PCDHB11: variants seen among roughly 807,000 people sequenced by gnomAD.
PCDHB11 encodes protocadherin beta-11.
For missense variants in PCDHB11, 1,151 were observed against 1,003.4 expected (o/e 1.15, Z -1.99); for synonymous variants, 522 against 442.0 (o/e 1.18, Z -2.27).
Position 141,201,440 on chromosome 5 carries a change from G to T in PCDHB11, c.1666G>T (p.Asp556Tyr), listed in dbSNP as rs1274181578. ...LVRVLVLDAN[D>Y]NSPFVLYPLQ... is the part of the protein sequence containing the mutation. ...GCGCGTGCTGGTGCTGGACGCCAAC[G>T]ACAACTCGCCCTTCGTGCTGTACCC... Residue 556 changes from aspartate to tyrosine, a missense_variant, in exon 1 of 1, where the codon GAC (aspartate) becomes TAC (tyrosine). Transcript: ENST00000354757. 3 of 1,611,522 alleles carry T rather than the reference G, an allele frequency of 1.9e-6. No individual in the cohort carries two copies. Among genetic ancestry groups the T allele is most frequent in the Non-Finnish European group, 2.5e-6 (3 of 1,179,624 alleles).
chr5:141,201,317 G>T lies in PCDHB11; in HGVS notation c.1543G>T (p.Ala515Ser). The T allele has an allele frequency of 1.9e-6, 3 of 1,613,552 alleles. No homozygotes were observed. Among genetic ancestry groups the T allele is most frequent in the African/African-American group, 1.3e-5 (1 of 75,040 alleles). ...CAACACAGACAACGGCCACCTGTTC[G>T]CCCTCAGGTCGCTGGACTACGAGGC... The part of the protein sequence containing the change: ...SINTDNGHLF[A>S]LRSLDYEALQ... Residue 515 changes from alanine (A) to serine (S), a missense_variant, in exon 1 of 1, where the codon GCC becomes TCC. By Grantham distance (99) the Ala-to-Ser change is moderately conservative. Transcript: ENST00000354757.
Position 141,201,041 on chromosome 5 carries a change from G to A in PCDHB11, c.1267G>A (p.Val423Ile), listed in dbSNP as rs1317164578. 4 of 1,614,166 alleles carry A rather than the reference G, an allele frequency of 2.5e-6. No homozygotes were observed. Among genetic ancestry groups the A allele is most frequent in the Non-Finnish European group, 2.5e-6 (3 of 1,180,042 alleles). ...STAEYNITIT[V>I]TDLGIPRLKT... ...AGCCGAGTACAATATCACCATCACC[G>A]TCACCGACTTGGGGATACCCAGGCT... The change falls in exon 1 of 1, where the codon GTC becomes ATC. Residue 423 changes from valine to isoleucine, a missense_variant. Physicochemically the swap from Val to Ile is conservative, Grantham distance 29 (BLOSUM62 3). Transcript: ENST00000354757.
rs372137409 is a variant in PCDHB11, at chr5:141,202,611, T to A, written c.*443T>A. On this transcript the variant is annotated 3_prime_UTR_variant, in exon 1 of 1. Coordinates refer to ENST00000354757, the MANE Select transcript of PCDHB11 (RefSeq NM_018931.3). ...GTGAGCCACTGCGCCCGGCCTTTTT[T>A]TTTTCTTTTCTTTTCTTTTTTTTGA... is the stretch of plus-strand genomic sequence containing the variant. The A allele has an allele frequency of 6.6e-6, 1 of 152,092 alleles. No individual in the cohort carries two copies. Among genetic ancestry groups the A allele is most frequent in the Non-Finnish European group, 1.5e-5 (1 of 68,676 alleles). 9.4% of individuals were successfully genotyped at this position (152,092 alleles called of 1,614,324 possible).
chr5:141,201,216 G>A lies in PCDHB11; in HGVS notation c.1442G>A (p.Gly481Asp), dbSNP rs556564658. Residue 481 changes from glycine to aspartate, a missense_variant, in exon 1 of 1, where the codon GGC (glycine) becomes GAC (aspartate). Gly to Asp is a moderately conservative substitution (Grantham distance 94). Transcript: ENST00000354757. ...GTCAGCGCTACAGACAGAGACTCAG[G>A]CACCAACGCCCAGGTCAACTACTCG... The part of the protein sequence containing the change: ...GSVSATDRDS[G>D]TNAQVNYSLL... 3.8e-5 allele frequency: 61 copies of A among 1,613,124 alleles called. No homozygotes were observed. In the South Asian group the frequency reaches 6.4e-4, roughly 17 times the overall value.
In PCDHB11 at chr5:141,200,287, A is replaced by C; in HGVS notation, c.513A>C (p.Thr171=). 1 of 1,614,172 alleles carries C rather than the reference A, an allele frequency of 6.2e-7. No individual in the cohort carries two copies. The highest frequency in any genetic ancestry group is 8.5e-7 in the Non-Finnish European group (1 of 1,180,036). ...GAATCAATGCTGTAAAAAGCTACACAATAAGCCCCAACTCTCATTTTCACA... is the reference window on the plus strand; with the variant it reads ...GAATCAATGCTGTAAAAAGCTACACCATAAGCCCCAACTCTCATTTTCACA... ...DVGINAVKSY[T]ISPNSHFHIK... The change falls in exon 1 of 1, where the codon ACA becomes ACC. Residue 171 remains threonine (T), a synonymous_variant. Coordinates refer to ENST00000354757, the MANE Select transcript of PCDHB11 (RefSeq NM_018931.3).
At position 141,200,743 on chromosome 5, in the gene PCDHB11, T is replaced by C. The variant is rs1234738525; in HGVS notation, c.969T>C (p.Asp323=). The C allele has an allele frequency of 3.1e-6, 5 of 1,614,076 alleles. No individual in the cohort carries two copies. The East Asian group carries it at 8.9e-5, about 29-fold the overall frequency. ...ESYSIIIQAT[D]GGGLFGKSTV... ...ACTCAATAATCATTCAAGCCACAGATGGGGGAGGACTTTTTGGAAAATCTA... is the reference window on the plus strand; with the variant it reads ...ACTCAATAATCATTCAAGCCACAGACGGGGGAGGACTTTTTGGAAAATCTA... Residue 323 remains aspartate, a synonymous_variant, in exon 1 of 1, where the codon GAT becomes GAC. Coordinates refer to ENST00000354757, the MANE Select transcript of PCDHB11 (RefSeq NM_018931.3).
chr5:141,201,419 G>A lies in PCDHB11; in HGVS notation c.1645G>A (p.Val549Met), dbSNP rs782541755. 2 of 1,611,546 alleles carry A rather than the reference G, an allele frequency of 1.2e-6. No individual in the cohort carries two copies. Among genetic ancestry groups the A allele is most frequent in the Non-Finnish European group, 1.7e-6 (2 of 1,179,656 alleles). Residue 549 changes from valine to methionine, a missense_variant, in exon 1 of 1, where the codon GTG (valine) becomes ATG (methionine). Physicochemically the swap from Val to Met is conservative, Grantham distance 21. Coordinates refer to ENST00000354757, the MANE Select transcript of PCDHB11 (RefSeq NM_018931.3). The stretch of plus-strand genomic sequence containing the variant: ...TTTGAGCAGCGAGGCGCTGGTGCGC[G>A]TGCTGGTGCTGGACGCCAACGACAA... The part of the protein sequence containing the change: ...PALSSEALVR[V>M]LVLDANDNSP...
At position 141,200,200 on chromosome 5, in the gene PCDHB11, C is replaced by G. The variant is rs782360863; in HGVS notation, c.426C>G (p.Ile142Met). 6.2e-7 allele frequency: 1 copy of G among 1,614,132 alleles called. No homozygotes were observed. The highest frequency in any genetic ancestry group is 1.1e-5 in the South Asian group (1 of 91,084). Residue 142 changes from isoleucine to methionine, a missense_variant, in exon 1 of 1, where the codon ATC (isoleucine) becomes ATG (methionine). Ile to Met is a conservative substitution (Grantham distance 10). Coordinates refer to ENST00000354757, the MANE Select transcript of PCDHB11 (RefSeq NM_018931.3). ...IFSEKQMLLE[I>M]PENSPVGAVF... ...CGGAAAAACAAATGCTCCTAGAAAT[C>G]CCAGAGAACAGTCCCGTTGGTGCTG...
In PCDHB11 at chr5:141,200,499, T is replaced by G; in HGVS notation, c.725T>G (p.Phe242Cys). 6.2e-7 allele frequency: 1 copy of G among 1,614,130 alleles called. No homozygotes were observed. The highest frequency in any genetic ancestry group is 8.5e-7 in the Non-Finnish European group (1 of 1,180,022). ...GACATTAATGACAACTCCCCTGAATTTGAGCAGGCTTTTTATGAGGTGAAG... is the reference window on the plus strand; with the variant it reads ...GACATTAATGACAACTCCCCTGAATGTGAGCAGGCTTTTTATGAGGTGAAG... ...VVDINDNSPE[F>C]EQAFYEVKIR... Residue 242 changes from phenylalanine to cysteine, a missense_variant, in exon 1 of 1, where the codon TTT (phenylalanine) becomes TGT (cysteine). Physicochemically the swap from Phe to Cys is radical, Grantham distance 205 (BLOSUM62 -2). Transcript: ENST00000354757.
At position 141,200,521 on chromosome 5, in the gene PCDHB11, G is replaced by A; in HGVS notation, c.747G>A (p.Val249=). The A allele has an allele frequency of 6.2e-7, 1 of 1,614,182 alleles. No individual in the cohort carries two copies. Among genetic ancestry groups the A allele is most frequent in the Non-Finnish European group, 8.5e-7 (1 of 1,180,038 alleles). Residue 249 remains valine, a synonymous_variant, in exon 1 of 1, where the codon GTG becomes GTA. Coordinates refer to ENST00000354757, the MANE Select transcript of PCDHB11 (RefSeq NM_018931.3). ...AATTTGAGCAGGCTTTTTATGAGGT[G>A]AAGATTCGGGAGAATAGCATCCTTG... ...SPEFEQAFYE[V]KIRENSILGS...
In PCDHB11 at chr5:141,200,157, A is replaced by G; in HGVS notation, c.383A>G (p.Asp128Gly). 2 of 1,614,102 alleles carry G rather than the reference A, an allele frequency of 1.2e-6. No homozygotes were observed. The highest frequency in any genetic ancestry group is 1.7e-6 in the Non-Finnish European group (2 of 1,180,020). The change falls in exon 1 of 1, where the codon GAT becomes GGT. Residue 128 changes from aspartate (D) to glycine (G), a missense_variant. Physicochemically the swap from Asp to Gly is moderately conservative, Grantham distance 94. Coordinates refer to ENST00000354757, the MANE Select transcript of PCDHB11 (RefSeq NM_018931.3). ...QIELQVRDIN[D>G]HSPIFSEKQM... ...GAGCTTCAGGTCAGGGATATAAATG[A>G]TCACTCTCCCATCTTCTCGGAAAAA...
chr5:141,201,129 C>G lies in PCDHB11; in HGVS notation c.1355C>G (p.Thr452Ser). Residue 452 changes from threonine to serine, a missense_variant, in exon 1 of 1, where the codon ACC becomes AGC. Transcript: ENST00000354757. ...SDVNDNAPTF[T>S]QTSYTLFVRE... ...GTCAATGACAACGCCCCCACCTTCA[C>G]CCAAACCTCCTACACCCTGTTCGTC... 6.2e-7 allele frequency: 1 copy of G among 1,614,072 alleles called. No homozygotes were observed. Among genetic ancestry groups the G allele is most frequent in the Non-Finnish European group, 8.5e-7 (1 of 1,180,048 alleles).
At position 141,202,611 on chromosome 5, in the gene PCDHB11, TTTTTCTTTTC is replaced by T. The variant is rs1213369128; in HGVS notation, c.*453_*462del. ...GTGAGCCACTGCGCCCGGCCTTTTT[TTTTTCTTTTC>T]TTTTCTTTTTTTTGATACAGAGTCT... On this transcript the variant is annotated 3_prime_UTR_variant, in exon 1 of 1. Transcript: ENST00000354757. The T allele has an allele frequency of 6.6e-6, 1 of 152,092 alleles. No homozygotes were observed. The highest frequency in any genetic ancestry group is 2.1e-4 in the South Asian group (1 of 4,790). The allele number at this position is 152,092 out of a possible 1,614,324, so 9.4% of individuals were successfully genotyped here.
rs1208828154 is a variant in PCDHB11, at chr5:141,201,955, G to T, written c.2181G>T (p.Val727=). 5 of 1,614,074 alleles carry T rather than the reference G, an allele frequency of 3.1e-6. No individual in the cohort carries two copies. Among genetic ancestry groups the T allele is most frequent in the South Asian group, 2.2e-5 (2 of 91,084 alleles). ...SRAASVGSCS[V]PKGPFPGHLV... The stretch of plus-strand genomic sequence containing the variant: ...CGGCCTCGGTGGGAAGCTGCTCGGT[G>T]CCTAAGGGCCCCTTTCCAGGGCATC... The change falls in exon 1 of 1, where the codon GTG becomes GTT. Residue 727 remains valine (V), a synonymous_variant. Transcript: ENST00000354757.
chr5:141,201,867 CTT>C lies in PCDHB11; in HGVS notation c.2094_2095del (p.Ser699AlafsTer30). On this transcript the variant is annotated frameshift_variant, in exon 1 of 1. Coordinates refer to ENST00000354757, the MANE Select transcript of PCDHB11 (RefSeq NM_018931.3). LOFTEE classifies it low-confidence loss of function (END_TRUNC). ...TTGGTGGTGGCGTTGGCCTCGGTGTCTTCGCTCTTCCTCTTCTCGGTGCTCCT... is the reference window on the plus strand; with the variant it reads ...TTGGTGGTGGCGTTGGCCTCGGTGTCCGCTCTTCCTCTTCTCGGTGCTCCT... The C allele has an allele frequency of 6.2e-7, 1 of 1,611,474 alleles. No individual in the cohort carries two copies.
chr5:141,201,964 C>A lies in PCDHB11; in HGVS notation c.2190C>A (p.Gly730=). ...TGGGAAGCTGCTCGGTGCCTAAGGG[C>A]CCCTTTCCAGGGCATCTGGTGGACG... is the stretch of plus-strand genomic sequence containing the variant. ...ASVGSCSVPK[G]PFPGHLVDVS... The change falls in exon 1 of 1, where the codon GGC becomes GGA. Residue 730 remains glycine, a synonymous_variant. Coordinates refer to ENST00000354757, the MANE Select transcript of PCDHB11 (RefSeq NM_018931.3). The A allele has an allele frequency of 1.9e-6, 3 of 1,614,148 alleles. No homozygotes were observed. Among genetic ancestry groups the A allele is most frequent in the Non-Finnish European group, 2.5e-6 (3 of 1,180,004 alleles).
chr5:141,200,529 G>A lies in PCDHB11; in HGVS notation c.755G>A (p.Arg252Gln). 6.2e-7 allele frequency: 1 copy of A among 1,614,160 alleles called. No individual in the cohort carries two copies. Reference protein sequence around the residue: ...FEQAFYEVKIRENSILGSLIL... With the variant: ...FEQAFYEVKIQENSILGSLIL... ...CAGGCTTTTTATGAGGTGAAGATTC[G>A]GGAGAATAGCATCCTTGGCTCGCTG... The change falls in exon 1 of 1, where the codon CGG becomes CAG. Residue 252 changes from arginine to glutamine, a missense_variant. Physicochemically the swap from Arg to Gln is conservative, Grantham distance 43 (BLOSUM62 1). Transcript: ENST00000354757.
In PCDHB11 at chr5:141,202,813, T is replaced by G. The variant is rs1393669905; in HGVS notation, c.*645T>G. 6.6e-6 allele frequency: 1 copy of G among 151,670 alleles called. No homozygotes were observed. The highest frequency in any genetic ancestry group is 2.4e-5 in the African/African-American group (1 of 41,256). The allele number at this position is 151,670 out of a possible 1,614,324, so 9.4% of individuals were successfully genotyped here. ...TTTTTGTAGAGACGGATCGTCACCA[T>G]ATTTCTTAGGCTGGCCTTTAACTTC... On this transcript the variant is annotated 3_prime_UTR_variant, in exon 1 of 1. Transcript: ENST00000354757.
chr5:141,201,692 C>G lies in PCDHB11; in HGVS notation c.1918C>G (p.Leu640Val), dbSNP rs782233439. Residue 640 changes from leucine (L) to valine (V), a missense_variant, in exon 1 of 1, where the codon CTG becomes GTG. Physicochemically the swap from Leu to Val is conservative, Grantham distance 32. Coordinates refer to ENST00000354757, the MANE Select transcript of PCDHB11 (RefSeq NM_018931.3). ...LSERDAAKHR[L>V]VVLVKDNGEP... Reference sequence around the variant, plus strand: ...CGAGCGCGACGCGGCCAAGCACAGGCTGGTGGTGCTGGTCAAGGACAATGG... The same window carrying G: ...CGAGCGCGACGCGGCCAAGCACAGGGTGGTGGTGCTGGTCAAGGACAATGG... The G allele has an allele frequency of 3.1e-6, 5 of 1,606,842 alleles. No individual in the cohort carries two copies. Among genetic ancestry groups the G allele is most frequent in the Non-Finnish European group, 4.2e-6 (5 of 1,179,628 alleles).
Sources: gnomAD v4.1 joint callset for allele counts on GRCh38, gnomAD v4.1.1 for gene constraint, MANE v1.5 for transcripts, NCBI Gene and HGNC (gene_info 2026-07-23, HGNC 2026-07-21) for gene names.